SLCO1B1: variants seen among roughly 807,000 people sequenced by gnomAD.
The protein encoded by SLCO1B1 is solute carrier organic anion transporter family member 1B1, also known as OATP-2.
SLCO1B1 carries 81 observed loss-of-function variants against 70.1 expected under a neutral mutation model. The observed-to-expected ratio is 1.16, with a 90% CI of 0.97 to 1.39. SLCO1B1 has a LOEUF of 1.39. Ranked by LOEUF, SLCO1B1 falls within the 40% of genes most tolerant of loss-of-function variation. The probability of loss-of-function intolerance (pLI) is 0.00; values close to 1 mark genes in which losing one functional copy is unlikely to be tolerated. For synonymous variants in SLCO1B1, 283 were observed against 271.5 expected (o/e 1.04, Z -0.42); for missense variants, 895 against 799.6 (o/e 1.12, Z -1.44).
intron 2 of SLCO1B1, among the ~76,000 whole-genome samples, chr12:21,158,138 A>G (rs1435928159): frequency 6.6e-6 from 1 of 152,220 alleles, no homozygotes; most frequent in East Asian, 1.9e-4. Flanking sequence ...TTAAATTTCA[A>G]CAAACATTTA....
intron 1 of SLCO1B1, among the ~76,000 whole-genome samples, chr12:21,135,343 A>G (rs1387312083): frequency 3.9e-5 from 6 of 152,162 alleles, no homozygotes; most frequent in Non-Finnish European, 8.8e-5. Context: ...GTAGATGTCT[A>G]TTAGGTCCGC....
chr12:21,149,184 C>A (rs1268178547), intron 2 of SLCO1B1, among the ~76,000 whole-genome samples: 1 of 152,150 alleles, frequency 6.6e-6, no homozygotes, highest in Non-Finnish European at 1.5e-5. Flanking sequence ...GACAATTTGA[C>A]TTCCTCTCTT....
At chr12:21,207,199 G>A (rs963573781) in intron 11 of SLCO1B1, among the ~76,000 whole-genome samples, 1 of 151,896 alleles carries the variant, frequency 6.6e-6, no homozygotes, top group African/African-American at 2.4e-5. Context: ...TGGGTATATT[G>A]TGATAAGCTA....
chr12:21,209,302 T>G (rs550003720), intron 11 of SLCO1B1, among the ~76,000 whole-genome samples: 1 of 151,918 alleles, frequency 6.6e-6, no homozygotes, highest in South Asian at 2.1e-4. Flanking sequence ...AGTGAGAATA[T>G]GCGGTGTTTG....
In SLCO1B1 at chr12:21,239,294, C is replaced by T; in HGVS notation, c.*105C>T. 2.4e-6 allele frequency: 2 copies of T among 836,292 alleles called. No homozygotes were observed. The highest frequency in any genetic ancestry group is 2.1e-6 in the Non-Finnish European group (1 of 481,954). The allele number at this position is 836,292 out of a possible 1,614,324, so 51.8% of individuals were successfully genotyped here. A position where few individuals can be genotyped will look rare whatever the true frequency, so the allele number is the denominator to read the frequency against. ...TTCCTGGTCCTTTCACTAAGAATTT[C>T]CACATCTTTTATGGTGGAAGTATAA... On this transcript the variant is annotated 3_prime_UTR_variant, in exon 15 of 15. Coordinates refer to ENST00000256958, the MANE Select transcript of SLCO1B1 (RefSeq NM_006446.5).
chr12:21,134,549 G>T (rs1340712503), intron 1 of SLCO1B1, among the ~76,000 whole-genome samples: 3 of 152,034 alleles, frequency 2.0e-5, no homozygotes, highest in African/African-American at 7.2e-5. Context: ...ACTTCTTCCT[G>T]GTTTAGTCTT....
At chr12:21,136,780 C>G (rs984476177) in intron 1 of SLCO1B1, among the ~76,000 whole-genome samples, 2 of 152,152 alleles carry the variant, frequency 1.3e-5, no homozygotes, top group African/African-American at 4.8e-5. Context: ...GTTTGAATTT[C>G]CACCTGTAGC....
chr12:21,206,135 A>G (rs1431980639), intron 11 of SLCO1B1, 102 bp downstream of exon 11: 4 of 995,864 alleles, frequency 4.0e-6, no homozygotes, highest in African/African-American at 3.2e-5. Context: ...CATTAAAAAG[A>G]TAAAAGAGAA....
At chr12:21,159,689 T>G (rs1014969164) in intron 2 of SLCO1B1, among the ~76,000 whole-genome samples, 1 of 152,080 alleles carries the variant, frequency 6.6e-6, no homozygotes, top group East Asian at 1.9e-4. Flanking sequence ...AAAAAGTAAG[T>G]CAAACTATCC....
intron 1 of SLCO1B1, among the ~76,000 whole-genome samples, chr12:21,133,240 G>A (rs1232498176): frequency 1.3e-5 from 2 of 152,022 alleles, no homozygotes; most frequent in African/African-American, 4.8e-5. Context: ...CTGTAGCCTT[G>A]TAGTATAGTT....
chr12:21,165,034 A>G (rs1940667398), intron 2 of SLCO1B1, among the ~76,000 whole-genome samples: 1 of 152,150 alleles, frequency 6.6e-6, no homozygotes, highest in East Asian at 1.9e-4. Flanking sequence ...GCTATATTAC[A>G]GTTGCTCAAT....
intron 2 of SLCO1B1, among the ~76,000 whole-genome samples, chr12:21,147,897 C>G (rs562899560): frequency 6.6e-6 from 1 of 152,282 alleles, no homozygotes; most frequent in Admixed American, 6.5e-5. Context: ...TTTTAATGAT[C>G]GCTTCCAACT....
chr12:21,132,108 T>C (rs1591792001), intron 1 of SLCO1B1, among the ~76,000 whole-genome samples: 2 of 152,240 alleles, frequency 1.3e-5, no homozygotes, highest in East Asian at 1.9e-4. Context: ...GTCCTTGCGA[T>C]AGTTTGTTGA....
intron 12 of SLCO1B1, among the ~76,000 whole-genome samples, chr12:21,219,908 C>T (rs1425790775): frequency 1.3e-5 from 2 of 152,088 alleles, no homozygotes; most frequent in East Asian, 3.9e-4. Context: ...ATTACAGGTG[C>T]ACGCCACCGT....
rs1288377904 is a variant in SLCO1B1 at position 21,239,567 on chromosome 12, A to C, written c.*378A>C. On this transcript the variant is annotated 3_prime_UTR_variant, in exon 15 of 15. Coordinates refer to ENST00000256958, the MANE Select transcript of SLCO1B1 (RefSeq NM_006446.5). ...AGGAGCTAGATTCATATCCTAAGTA[A>C]AGAGAAATGCCTAGTGTCTATTTTA... Among the ~76,000 whole-genome samples, 1 of 152,196 alleles carries C rather than the reference A, an allele frequency of 6.6e-6. No individual in the cohort carries two copies. The highest frequency in any genetic ancestry group is 1.5e-5 in the Non-Finnish European group (1 of 68,016).
intron 4 of SLCO1B1, 51 bp from the exon 5 acceptor site, chr12:21,176,725 G>A (rs1276313244): frequency 1.4e-6 from 2 of 1,387,030 alleles, no homozygotes; most frequent in Non-Finnish European, 2.0e-6. Flanking sequence ...TAGGAAAAGT[G>A]AAAATATTCA....
intron 4 of SLCO1B1, among the ~76,000 whole-genome samples, chr12:21,176,059 C>A (rs1449109561): frequency 6.6e-6 from 1 of 152,098 alleles, no homozygotes; most frequent in East Asian, 1.9e-4. Context: ...TCTATTCCCG[C>A]AACCTCCAAG....
At chr12:21,176,011 C>G (rs1028671915) in intron 4 of SLCO1B1, among the ~76,000 whole-genome samples, 1 of 152,048 alleles carries the variant, frequency 6.6e-6, no homozygotes, top group East Asian at 1.9e-4. Context: ...CTTCCAGATT[C>G]GTTTTACCTG....
intron 7 of SLCO1B1, among the ~76,000 whole-genome samples, chr12:21,191,877 G>T (rs1206562830): frequency 3.9e-5 from 6 of 152,076 alleles, no homozygotes; most frequent in Admixed American, 3.9e-4. Flanking sequence ...CTGCATATTT[G>T]ATCATGTAGA....
Sources: gnomAD v4.1 joint callset for allele counts (sites outside exome capture counted in the v4.1 genomes callset) on GRCh38, gnomAD v4.1.1 for gene constraint, MANE v1.5 for transcripts, NCBI Gene and HGNC (gene_info 2026-07-23, HGNC 2026-07-21) for gene names.